Variants in CLEC10A observed in about 807,000 individuals in gnomAD.
CLEC10A encodes the protein C-type lectin domain family 10 member A.
In CLEC10A, 38 loss-of-function variants were observed where a neutral mutation model predicts 42.0. The observed-to-expected ratio is 0.90, with a 90% CI of 0.70 to 1.18. CLEC10A has a LOEUF of 1.18. Among genes scored for constraint, CLEC10A ranks in the 50% most tolerant of loss-of-function variants. The pLI is 0.00. For missense variants in CLEC10A, 298 were observed against 345.9 expected, an observed-to-expected ratio of 0.86 and a Z score of 1.10; for synonymous variants, 126 against 139.9, an observed-to-expected ratio of 0.90 and a Z score of 0.70.
rs577056217 is a variant in CLEC10A, at chr17:7,078,927, G to C, written c.-73-42C>G. ...TGGGACTAAGTTGGAGCCAAGGGCAGGGCTGACGTTGAGTTGGGAGATGAG... is the reference window on the plus strand; with the variant it reads ...TGGGACTAAGTTGGAGCCAAGGGCACGGCTGACGTTGAGTTGGGAGATGAG... On this transcript the variant is annotated intron_variant, in intron 1 of 8. Coordinates refer to ENST00000416562, the MANE Select transcript of CLEC10A (RefSeq NM_001330070.2). 9.1e-5 allele frequency: 83 copies of C among 911,664 alleles called. 1 individual carries two copies. The South Asian group carries it at 1.1e-3, about 12-fold the overall frequency. The allele number at this position is 911,664 out of a possible 1,614,324, so 56.5% of individuals were successfully genotyped here.
chr17:7,076,187 GC>G, intron 5 of CLEC10A, 116 bp from the exon 6 acceptor site: 1 of 1,476,294 alleles, frequency 6.8e-7, no homozygotes. Flanking sequence ...GTTCCTTCCC[GC>G]CCCCACCCAC....
At position 7,075,440 on chromosome 17, in the gene CLEC10A, G is replaced by C. The variant is rs752777715; in HGVS notation, c.621C>G (p.Ser207=). 2.0e-6 allele frequency: 3 copies of C among 1,530,270 alleles called. No individual in the cohort carries two copies. In the East Asian group the frequency reaches 6.8e-5, roughly 35 times the overall value. The allele number at this position is 1,530,270 out of a possible 1,614,324, so 94.8% of individuals were successfully genotyped here. A position where few individuals can be genotyped will look rare whatever the true frequency, so the allele number is the denominator to read the frequency against. ...CACTGAGGCCCATCCAGGTGTATGC[G>C]GAGCCTAGATATTTCTGGACAAAAT... The part of the protein sequence containing the change: ...EQNFVQKYLG[S]AYTWMGLSDP... Residue 207 remains serine, a synonymous_variant, in exon 8 of 9, where the codon TCC becomes TCG. Coordinates refer to ENST00000416562, the MANE Select transcript of CLEC10A (RefSeq NM_001330070.2).
rs577235563 is a variant in CLEC10A, at chr17:7,076,519, G to T, written c.352+214C>A. 7.9e-5 allele frequency among the ~76,000 whole-genome samples: 12 copies of T among 151,452 alleles called. No homozygotes were observed. In the South Asian group the frequency reaches 1.0e-3, roughly 13 times the overall value. On this transcript the variant is annotated intron_variant, in intron 5 of 8. Coordinates refer to ENST00000416562, the MANE Select transcript of CLEC10A (RefSeq NM_001330070.2). ...AGTAGAGACGGGGTTTCACCATGTC[G>T]ATCAGGCTGCTCTCGAACTCCTGAC...
intron 2 of CLEC10A, 44 bp downstream of exon 2, chr17:7,078,702 C>T (rs376104318): frequency 1.9e-6 from 3 of 1,570,152 alleles, no homozygotes; most frequent in Non-Finnish European, 8.8e-7. Context: ...TCCTTCTAAA[C>T]ATATAAAGAG....
At chr17:7,076,173 G>C (rs765435907) in intron 5 of CLEC10A, 102 bp from the exon 6 acceptor site, 17 of 1,609,196 alleles carry the variant, frequency 1.1e-5, no homozygotes, top group Non-Finnish European at 1.4e-5. Flanking sequence ...CCAAGCCAGG[G>C]AATGTTCCTT....
intron 5 of CLEC10A, 23 bp downstream of exon 5, chr17:7,076,710 C>T: frequency 6.2e-7 from 1 of 1,612,964 alleles, no homozygotes; most frequent in Non-Finnish European, 8.5e-7. Flanking sequence ...GCCCCCCACA[C>T]CCATACTCGG....
Position 7,075,877 on chromosome 17 carries a change from C to T in CLEC10A, c.448G>A (p.Glu150Lys). 1 of 1,608,262 alleles carries T rather than the reference C, an allele frequency of 6.2e-7. No homozygotes were observed. The highest frequency in any genetic ancestry group is 8.5e-7 in the Non-Finnish European group (1 of 1,178,692). ...VATLNNNAST[E>K]GTCCPVNWVE... Reference sequence around the variant, plus strand: ...CAGTTGACAGGGCAGCAGGTCCCTTCAGTGGAGGCTGATTGGGGAGAAATA... The same window carrying T: ...CAGTTGACAGGGCAGCAGGTCCCTTTAGTGGAGGCTGATTGGGGAGAAATA... The change falls in exon 7 of 9, where the codon GAA becomes AAA. Residue 150 changes from glutamate to lysine, a missense_variant. Physicochemically the swap from Glu to Lys is moderately conservative, Grantham distance 56 (BLOSUM62 1). Coordinates refer to ENST00000416562, the MANE Select transcript of CLEC10A (RefSeq NM_001330070.2).
rs1911609719 is a variant in CLEC10A, at chr17:7,074,661, G to C, written c.*393C>G. 6.3e-6 allele frequency: 1 copy of C among 159,976 alleles called. No individual in the cohort carries two copies. Among genetic ancestry groups the C allele is most frequent in the African/African-American group, 2.4e-5 (1 of 41,764 alleles). 9.9% of individuals were successfully genotyped at this position (159,976 alleles called of 1,614,324 possible). A position where few individuals can be genotyped will look rare whatever the true frequency, so the allele number is the denominator to read the frequency against. ...GCCAATAAATAGTGAAAAAGAAGTA[G>C]ATCACTGGCCTGGAAACAGGGAAGT... On this transcript the variant is annotated 3_prime_UTR_variant, in exon 9 of 9. Transcript: ENST00000416562.
chr17:7,075,088 G>A lies in CLEC10A; in HGVS notation c.836C>T (p.Ala279Val), dbSNP rs1403257765. Reference sequence around the variant, plus strand: ...CTCCTGGCTGGTCTGACCCAGGCCAGCCTCGCAGACCCAGTGGTAGGGCCT... The same window carrying A: ...CTCCTGGCTGGTCTGACCCAGGCCAACCTCGCAGACCCAGTGGTAGGGCCT... Reference protein sequence around the residue: ...CQRPYHWVCEAGLGQTSQESH With the variant: ...CQRPYHWVCEVGLGQTSQESH The change falls in exon 9 of 9, where the codon GCT (alanine) becomes GTT (valine). Residue 279 changes from alanine (A) to valine (V), a missense_variant. Coordinates refer to ENST00000416562, the MANE Select transcript of CLEC10A (RefSeq NM_001330070.2). 1 of 1,595,542 alleles carries A rather than the reference G, an allele frequency of 6.3e-7. No homozygotes were observed. The highest frequency in any genetic ancestry group is 2.3e-5 in the East Asian group (1 of 43,722).
At position 7,077,394 on chromosome 17, in the gene CLEC10A, C is replaced by T. The variant is rs1911850754; in HGVS notation, c.185-407G>A. ...TCAATCACTCCATCAGTGCCCCCCA[C>T]TATTCCCATCAGTCACCCCATCAGT... On this transcript the variant is annotated intron_variant, in intron 3 of 8. Transcript: ENST00000416562. Among the ~76,000 whole-genome samples the T allele has an allele frequency of 2.2e-5, 3 of 138,744 alleles. 1 individual carries two copies. In the South Asian group the frequency reaches 8.0e-4, roughly 37 times the overall value. 91.0% of individuals were successfully genotyped at this position (138,744 alleles called of 152,430 possible).
chr17:7,076,586 A>G, intron 5 of CLEC10A, 147 bp downstream of exon 5: 1 of 891,168 alleles, frequency 1.1e-6, no homozygotes, highest in Non-Finnish European at 1.8e-6. Context: ...TGCTGGGATT[A>G]CAGGCGTGAA....
intron 7 of CLEC10A, 67 bp downstream of exon 7, chr17:7,075,664 G>C: frequency 6.2e-7 from 1 of 1,609,238 alleles, no homozygotes; most frequent in Non-Finnish European, 8.5e-7. Context: ...TCCAATGTGC[G>C]GCCAAGCTTA....
intron 2 of CLEC10A, chr17:7,078,529 C>G (rs532286327): frequency 1.7e-6 from 1 of 587,784 alleles, no homozygotes; most frequent in Admixed American, 3.0e-5. Flanking sequence ...ATCCCCACCC[C>G]ACAGAGCATC....
At chr17:7,076,116 G>A in intron 5 of CLEC10A, 45 bp from the exon 6 acceptor site, 1 of 1,614,076 alleles carries the variant, frequency 6.2e-7, no homozygotes, top group Non-Finnish European at 8.5e-7. Context: ...GCCTAGGTGT[G>A]CCTTCTGCGT....
chr17:7,077,355 G>GTGCCCCC (rs1567745577), intron 3 of CLEC10A, among the ~76,000 whole-genome samples: 13 of 93,632 alleles, frequency 1.4e-4, no homozygotes, highest in Admixed American at 3.0e-4. Flanking sequence ...TCAGTGCTCC[G>GTGCCCCC]ACCACTGTTC....
chr17:7,075,847 C>T lies in CLEC10A; in HGVS notation c.478G>A (p.Glu160Lys). 1 of 1,614,072 alleles carries T rather than the reference C, an allele frequency of 6.2e-7. No homozygotes were observed. Among genetic ancestry groups the T allele is most frequent in the Non-Finnish European group, 8.5e-7 (1 of 1,179,932 alleles). ...AACCAGTAGCAGCTGTCTTGGTGCT[C>T]CACCCAGTTGACAGGGCAGCAGGTC... ...EGTCCPVNWVEHQDSCYWFSH... is the reference protein window; with the variant it reads ...EGTCCPVNWVKHQDSCYWFSH... The change falls in exon 7 of 9, where the codon GAG (glutamate) becomes AAG (lysine). Residue 160 changes from glutamate (E) to lysine (K), a missense_variant. This residue lies in a region of CLEC10A where 267 missense variants were observed against 289.5 expected (regional missense o/e 0.92). Transcript: ENST00000416562.
chr17:7,076,984 G>C lies in CLEC10A; in HGVS notation c.188C>G (p.Ser63Cys), dbSNP rs536151032. The C allele has an allele frequency of 6.2e-7, 1 of 1,610,744 alleles. No homozygotes were observed. ...GGTCACCAGGTCCCTCTGAAATTTG[G>C]AATCTAAACAGGTGGATGGGAAGGT... ...VIICVVGFQN[S>C]KFQRDLVTLR... The change falls in exon 4 of 9, where the codon TCC becomes TGC. Residue 63 changes from serine (S) to cysteine (C), a missense_variant. Physicochemically the swap from Ser to Cys is moderately radical, Grantham distance 112. Transcript: ENST00000416562.
intron 5 of CLEC10A, among the ~76,000 whole-genome samples, chr17:7,076,307 C>CTTTCT (rs1555575017): frequency 1.8e-4 from 22 of 121,132 alleles, no homozygotes; most frequent in African/African-American, 6.3e-4. Context: ...TTCTTTCTTT[C>CTTTCT]TTTTTTTTTT....
In CLEC10A at chr17:7,075,965, A is replaced by C; in HGVS notation, c.439+20T>G. The C allele has an allele frequency of 6.2e-7, 1 of 1,613,744 alleles. No individual in the cohort carries two copies. The highest frequency in any genetic ancestry group is 8.5e-7 in the Non-Finnish European group (1 of 1,179,810). On this transcript the variant is annotated intron_variant, in intron 6 of 8. Coordinates refer to ENST00000416562, the MANE Select transcript of CLEC10A (RefSeq NM_001330070.2). ...CATGGGCAGAAAAGTAGGGCCAGGT[A>C]CTCCCCATACCTTCCTCACCATTGT...
Sources: allele counts gnomAD v4.1 joint callset (sites outside exome capture counted in the v4.1 genomes callset), GRCh38; gene constraint gnomAD v4.1.1; regional missense constraint gnomAD v4.1.1; transcripts MANE v1.5; gene names NCBI Gene and HGNC (gene_info 2026-07-23, HGNC 2026-07-21).